HUWE1: variants seen among roughly 807,000 people sequenced by gnomAD.
HUWE1 encodes the protein HECT, UBA and WWE domain containing E3 ubiquitin protein ligase 1.
In HUWE1, 18 loss-of-function variants were observed where a neutral mutation model predicts 299.4. The ratio of observed to expected loss-of-function variants is 0.06; its 90% confidence interval spans 0.04 to 0.09. The LOEUF (loss-of-function observed/expected upper bound fraction) is 0.09, where lower values mean the gene tolerates loss of function less well. Ranked by LOEUF, HUWE1 falls within the 10% of genes least tolerant of loss-of-function variation. The pLI is 1.00. For synonymous variants in HUWE1, 1,317 were observed against 1,286.1 expected (o/e 1.02, Z -0.51); for missense variants, 1,832 against 3,462.3 (o/e 0.53, Z 11.82).
chrX:53,604,778 G>C lies in HUWE1; in HGVS notation c.2553C>G (p.Ile851Met), dbSNP rs113009925. ...GGTGTAAGGGCTCCAGGGAGGAGAG[G>C]ATGGAGTCCAACTGAAGGAGACCCT... ...LQEGLLQLDSILSSLEPLHRP... is the reference protein window; with the variant it reads ...LQEGLLQLDSMLSSLEPLHRP... The change falls in exon 26 of 84, where the codon ATC (isoleucine) becomes ATG (methionine). Residue 851 changes from isoleucine to methionine, a missense_variant. By Grantham distance (10) the Ile-to-Met change is conservative. Transcript: ENST00000262854. The C allele has an allele frequency of 8.3e-7, 1 of 1,209,669 alleles. No homozygotes were observed. Among genetic ancestry groups the C allele is most frequent in the Non-Finnish European group, 1.1e-6 (1 of 893,338 alleles).
At chrX:53,633,121 A>G (rs2066982028) in intron 8 of HUWE1, among the ~76,000 whole-genome samples, 1 of 112,516 alleles carries the variant, frequency 8.9e-6, no homozygotes, top group African/African-American at 3.2e-5. Flanking sequence ...GCACAGGTAG[A>G]TACCAAGACA....
intron 43 of HUWE1, among the ~76,000 whole-genome samples, chrX:53,578,417 C>T (rs1374947879): frequency 9.8e-5 from 9 of 92,206 alleles, no homozygotes; most frequent in East Asian, 7.4e-4. Flanking sequence ...CTCCTCTGCC[C>T]GGCCGCCCCT....
At chrX:53,645,252 T>C (rs1285398207) in intron 7 of HUWE1, 59 bp downstream of exon 7, 1 of 1,143,689 alleles carries the variant, frequency 8.7e-7, no homozygotes, top group African/African-American at 1.8e-5. Flanking sequence ...GAAACACCTG[T>C]TGAAAGGAAC....
intron 42 of HUWE1, among the ~76,000 whole-genome samples, chrX:53,583,215 T>TA (rs782032861): frequency 9.2e-6 from 1 of 108,812 alleles, no homozygotes; most frequent in East Asian, 2.8e-4. Flanking sequence ...GAGGTACTCC[T>TA]ACAAAGGAAT....
In HUWE1 at chrX:53,628,856, A is replaced by C; in HGVS notation, c.1010T>G (p.Leu337Trp). The C allele has an allele frequency of 8.3e-7, 1 of 1,208,994 alleles. No individual in the cohort carries two copies. Among genetic ancestry groups the C allele is most frequent in the Non-Finnish European group, 1.1e-6 (1 of 892,871 alleles). The part of the protein sequence containing the change: ...SLRTLTSIVH[L>W]ERTPKLSSII... ...ACTGCTGAGTTTGGGAGTTCTCTCC[A>C]AGTGGACAATTGATGTTAATGTTCG... Residue 337 changes from leucine to tryptophan, a missense_variant, in exon 14 of 84, where the codon TTG becomes TGG. By Grantham distance (61) the Leu-to-Trp change is moderately conservative. This residue lies in a region of HUWE1 where 658 missense variants were observed against 1,282.6 expected (regional missense o/e 0.51). Coordinates refer to ENST00000262854, the MANE Select transcript of HUWE1 (RefSeq NM_031407.7).
chrX:53,540,961 A>G (rs1432885627), intron 74 of HUWE1, among the ~76,000 whole-genome samples: 3 of 111,835 alleles, frequency 2.7e-5, no homozygotes, highest in Admixed American at 1.9e-4. Context: ...CTTGCAAATC[A>G]TATGACCTTA....
intron 29 of HUWE1, among the ~76,000 whole-genome samples, chrX:53,595,946 A>G (rs2064436142): frequency 8.9e-6 from 1 of 112,200 alleles, no homozygotes; most frequent in Non-Finnish European, 1.9e-5. Flanking sequence ...TTTTCAATAT[A>G]TAATTCAACA....
At chrX:53,598,395 A>C (rs2064621435) in intron 29 of HUWE1, among the ~76,000 whole-genome samples, 1 of 111,323 alleles carries the variant, frequency 9.0e-6, no homozygotes, top group African/African-American at 3.3e-5. Flanking sequence ...AAGTTACACC[A>C]TGCATACCTG....
At chrX:53,591,241 T>A in intron 33 of HUWE1, 119 bp from the exon 34 acceptor site, 1 of 808,733 alleles carries the variant, frequency 1.2e-6, no homozygotes, top group Non-Finnish European at 1.8e-6. Context: ...GCTGAGAGCA[T>A]TTATGAGCTA....
chrX:53,621,614 C>G (rs1472837720), intron 19 of HUWE1, among the ~76,000 whole-genome samples: 1 of 109,059 alleles, frequency 9.2e-6, no homozygotes, highest in Non-Finnish European at 1.9e-5. Context: ...TCCACTGCCC[C>G]ATCAACTCTT....
At chrX:53,684,192 C>A (rs1443308574) in intron 2 of HUWE1, 4 of 237,376 alleles carry the variant, frequency 1.7e-5, no homozygotes, top group Non-Finnish European at 3.0e-5. Flanking sequence ...CGGCCGGCTC[C>A]CGCATGCGTT....
At chrX:53,652,516 C>T (rs782301454) in intron 4 of HUWE1, among the ~76,000 whole-genome samples, 9 of 111,956 alleles carry the variant, frequency 8.0e-5, no homozygotes, top group African/African-American at 2.6e-4. Flanking sequence ...TAGATTCTTA[C>T]ATTGGTTCCA....
chrX:53,648,652 T>TTA (rs1349193125), intron 4 of HUWE1, among the ~76,000 whole-genome samples: 7 of 88,062 alleles, frequency 7.9e-5, no homozygotes, highest in African/African-American at 2.6e-4. Context: ...GTTAAACATC[T>TTA]AAAAAAAAAA....
intron 44 of HUWE1, among the ~76,000 whole-genome samples, 170 bp from the exon 45 acceptor site, chrX:53,575,958 T>C (rs1556958385): frequency 8.9e-6 from 1 of 112,593 alleles, no homozygotes; most frequent in Non-Finnish European, 1.9e-5. Context: ...TTACAAAAAC[T>C]AGTCTTGTGA....
chrX:53,634,796 G>A (rs2149103475), intron 7 of HUWE1, among the ~76,000 whole-genome samples: 1 of 112,159 alleles, frequency 8.9e-6, no homozygotes, highest in African/African-American at 3.2e-5. Flanking sequence ...TTACAAAGCA[G>A]ATTCTACCTT....
intron 17 of HUWE1, among the ~76,000 whole-genome samples, chrX:53,627,117 A>G (rs1486403405): frequency 8.9e-6 from 1 of 111,749 alleles, no homozygotes; most frequent in Non-Finnish European, 1.9e-5. Flanking sequence ...TAGAAATAAG[A>G]CAATAAGAAA....
In HUWE1 at chrX:53,573,778, G is replaced by T; in HGVS notation, c.6284C>A (p.Thr2095Asn). ...TTTGATCAGTTCAGACTGGCCCACA[G>T]TGTAGCTGTAGTTGGCAATCAGGGT... Reference protein sequence around the residue: ...IATLIANYSYTVGQSELIKED... With the variant: ...IATLIANYSYNVGQSELIKED... The change falls in exon 47 of 84, where the codon ACT becomes AAT. Residue 2095 changes from threonine to asparagine, a missense_variant. Physicochemically the swap from Thr to Asn is moderately conservative, Grantham distance 65. Coordinates refer to ENST00000262854, the MANE Select transcript of HUWE1 (RefSeq NM_031407.7). 8.3e-7 allele frequency: 1 copy of T among 1,210,149 alleles called. No individual in the cohort carries two copies. Among genetic ancestry groups the T allele is most frequent in the Non-Finnish European group, 1.1e-6 (1 of 893,693 alleles).
At chrX:53,598,975 G>T (rs782342436) in intron 29 of HUWE1, among the ~76,000 whole-genome samples, 3 of 112,251 alleles carry the variant, frequency 2.7e-5, no homozygotes, top group African/African-American at 6.5e-5. Flanking sequence ...CCTAATTAGG[G>T]AATAGTCTAC....
At chrX:53,586,595 T>C in intron 38 of HUWE1, 24 bp from the exon 39 acceptor site, 3 of 1,146,376 alleles carry the variant, frequency 2.6e-6, no homozygotes, top group Non-Finnish European at 3.6e-6. Flanking sequence ...ATGATCTGTT[T>C]TGGGAAAGCA....
Sources: gnomAD v4.1 joint callset for allele counts (sites outside exome capture counted in the v4.1 genomes callset) on GRCh38, gnomAD v4.1.1 for gene constraint, gnomAD v4.1.1 regional missense constraint, MANE v1.5 for transcripts, NCBI Gene and HGNC (gene_info 2026-07-23, HGNC 2026-07-21) for gene names.